TRPM5: variants seen among roughly 807,000 people sequenced by gnomAD.
TRPM5 encodes MLSN1 and TRP-related.
TRPM5 carries 121 observed loss-of-function variants against 124.9 expected under a neutral mutation model. The ratio of observed to expected loss-of-function variants is 0.97; its 90% CI spans 0.84 to 1.13. The LOEUF is 1.13. TRPM5 is among the 50% of genes most tolerant of loss of function. The pLI is 0.00. For missense variants in TRPM5, 1,643 were observed against 1,589.1 expected (o/e 1.03, Z -0.58); for synonymous variants, 781 against 700.5 (o/e 1.11, Z -1.81).
At position 2,407,745 on chromosome 11, in the gene TRPM5, T is replaced by C. The variant is rs1474290695; in HGVS notation, c.2936+14A>G. 1.1e-5 allele frequency: 18 copies of C among 1,612,120 alleles called. No homozygotes were observed. The highest frequency in any genetic ancestry group is 2.2e-5 in the South Asian group (2 of 90,964). ...GCTCCAGGGCTCTCTCCTCCAGGGGTTGGGTGGAGTCACCTGAACATGGCG... is the reference window on the plus strand; with the variant it reads ...GCTCCAGGGCTCTCTCCTCCAGGGGCTGGGTGGAGTCACCTGAACATGGCG... On this transcript the variant is annotated intron_variant, in intron 19 of 23. Coordinates refer to ENST00000155858, the Ensembl canonical transcript of TRPM5.
At chr11:2,436,955 G>T in the TRPM5 span, among the ~76,000 whole-genome samples, 1 of 152,238 alleles carries the variant, frequency 6.6e-6, no homozygotes, top group South Asian at 2.1e-4. Flanking sequence ...GGGCTGGGAG[G>T]AGTGAGTGTG....
At chr11:2,407,997 G>A in intron 18 of TRPM5, 85 bp from the exon 24 acceptor site, 2 of 1,526,922 alleles carry the variant, frequency 1.3e-6, no homozygotes, top group Non-Finnish European at 1.8e-6. Flanking sequence ...AGAGCGCTGA[G>A]TCCTGGTGTT....
In TRPM5 at chr11:2,411,792, C is replaced by T; in HGVS notation, c.2475-25G>A. 2.5e-6 allele frequency: 4 copies of T among 1,611,336 alleles called. No homozygotes were observed. In the South Asian group the frequency reaches 3.3e-5, roughly 13 times the overall value. On this transcript the variant is annotated intron_variant, in intron 16 of 23. Transcript: ENST00000155858. ...CCTGGAGGATGGGAGGCTGATGCGG[C>T]TGCGGGGCCCAGAGAGGGGCAGAGG...
upstream of TRPM5, among the ~76,000 whole-genome samples, chr11:2,425,292 A>G (rs1048450841): frequency 3.3e-4 from 50 of 152,266 alleles, no homozygotes; most frequent in African/African-American, 1.2e-3. Flanking sequence ...CTCCCCCTGG[A>G]AGCTCTCAGA....
intron 18 of TRPM5, among the ~76,000 whole-genome samples, chr11:2,409,022 C>T (rs11022696): frequency 0.022 from 3,305 of 152,276 alleles, 57 homozygotes; most frequent in Non-Finnish European, 0.031. Flanking sequence ...TGGGGGGTCT[C>T]CTTGTTCCCA....
chr11:2,411,640 G>T, exon 17 of TRPM5: 1 of 1,612,608 alleles, frequency 6.2e-7, no homozygotes. Context: ...CTCACCATGC[G>T]CTCTACCACG....
At chr11:2,404,401 CAG>C (rs374837651), downstream of TRPM5, 22 of 153,762 alleles carry the variant, frequency 1.4e-4, 1 homozygote, top group South Asian at 6.0e-4. Flanking sequence ...CATCGGGTGT[CAG>C]GGGGACAGCT....
chr11:2,422,958 C>T (rs139234737), exon 1 of TRPM5: 678 of 1,613,198 alleles, frequency 4.2e-4, no homozygotes, highest in Non-Finnish European at 5.3e-4. Context: ...AAGTTGACCT[C>T]GCCCCTGTGC....
At chr11:2,405,030 A>C (rs1589863565) in exon 24 of TRPM5, 1 of 1,612,576 alleles carries the variant, frequency 6.2e-7, no homozygotes, top group Non-Finnish European at 8.5e-7. Flanking sequence ...TTCCCTCGCC[A>C]CAGTGCTGAG....
At chr11:2,414,545 C>G (rs1247318455) in intron 11 of TRPM5, among the ~76,000 whole-genome samples, 170 bp downstream of exon 16, 1 of 152,220 alleles carries the variant, frequency 6.6e-6, no homozygotes, top group Non-Finnish European at 1.5e-5. Flanking sequence ...CTGGGGCCGC[C>G]TCCACCCCAG....
At chr11:2,436,989 C>T in the TRPM5 span, among the ~76,000 whole-genome samples, 1 of 152,208 alleles carries the variant, frequency 6.6e-6, no homozygotes, top group Non-Finnish European at 1.5e-5. Context: ...CAGGGAGGGC[C>T]CCGCCACCAG....
At chr11:2,436,516 C>T in the TRPM5 span, among the ~76,000 whole-genome samples, 2 of 152,360 alleles carry the variant, frequency 1.3e-5, no homozygotes, top group South Asian at 4.1e-4. Context: ...TGCCTGGGCC[C>T]AGGAAAGGGC....
At chr11:2,437,973 T>C in the TRPM5 span, among the ~76,000 whole-genome samples, 2 of 151,942 alleles carry the variant, frequency 1.3e-5, no homozygotes, top group South Asian at 4.1e-4. The surrounding 1 kb of genome is among the most constrained non-coding windows in gnomAD (Gnocchi z 5.6). Flanking sequence ...CAGAAACACA[T>C]CAAAAAATTA....
At chr11:2,409,973 G>A (rs1220402639) in intron 18 of TRPM5, among the ~76,000 whole-genome samples, 4 of 152,218 alleles carry the variant, frequency 2.6e-5, no homozygotes, top group Non-Finnish European at 4.4e-5. Context: ...CACCAGAGAT[G>A]CAGCCACTCA....
chr11:2,420,308 G>C, exon 4 of TRPM5: 1 of 1,612,690 alleles, frequency 6.2e-7, no homozygotes, highest in Non-Finnish European at 8.5e-7. Context: ...CGGGGGGCCT[G>C]GCTCCACCAG....
chr11:2,430,800 TTGGTGGCGGTGATGGTGATGGTGTTGA>T, the TRPM5 span, among the ~76,000 whole-genome samples: 1 of 96,090 alleles, frequency 1.0e-5, no homozygotes, highest in Non-Finnish European at 2.2e-5. Flanking sequence ...GGTGGTGGTT[TTGGTGGCGGTGATGGTGATGGTGTTGA>T]TGGTGGTGGT....
the TRPM5 span, among the ~76,000 whole-genome samples, chr11:2,437,210 CACAT>C: frequency 6.6e-6 from 1 of 152,248 alleles, no homozygotes; most frequent in African/African-American, 2.4e-5. The surrounding 1 kb of genome is among the most constrained non-coding windows in gnomAD (Gnocchi z 5.6). Context: ...TGGGCAGACA[CACAT>C]ACAGCCTCAG....
intron 7 of TRPM5, 21 bp downstream of exon 12, chr11:2,417,706 G>GGCCCCCCC: frequency 5.5e-6 from 6 of 1,087,274 alleles, no homozygotes; most frequent in East Asian, 2.5e-5. Context: ...CGCCTGCCTT[G>GGCCCCCCC]CCCACCCTGC....
Position 2,420,353 on chromosome 11 carries a change from AG to A in TRPM5, c.517del (p.Leu173SerfsTer25), listed in dbSNP as rs1565014554. On this transcript the variant is annotated frameshift_variant, in exon 4 of 24. Coordinates refer to ENST00000155858, the Ensembl canonical transcript of TRPM5. LOFTEE classifies it high-confidence loss of function. ...GGAGAGGTTGCTGTCCAGTGAACAG[AG>A]GGGGCCCTGGCTGCCGCCGTCATCC... The A allele has an allele frequency of 1.9e-6, 3 of 1,612,726 alleles. No homozygotes were observed. The highest frequency in any genetic ancestry group is 2.5e-6 in the Non-Finnish European group (3 of 1,179,898).
Sources: allele counts gnomAD v4.1 joint callset (sites outside exome capture counted in the v4.1 genomes callset), GRCh38; gene constraint gnomAD v4.1.1; non-coding constraint Gnocchi (gnomAD v3.1); transcripts MANE v1.5; gene names NCBI Gene and HGNC (gene_info 2026-07-23, HGNC 2026-07-21).